USP30: variants seen among roughly 807,000 people sequenced by gnomAD.
The protein encoded by USP30 is ubiquitin specific peptidase 30, also known as ubiquitin carboxyl-terminal hydrolase 30.
A neutral mutation model predicts 68.2 loss-of-function variants in USP30; 41 were observed. The observed-to-expected ratio is 0.60, with a 90% CI of 0.47 to 0.78. The LOEUF is 0.78. USP30 is among the 30% of genes least tolerant of loss of function. The pLI, the probability that USP30 is intolerant of heterozygous loss-of-function variation, is 0.00. For missense variants in USP30, 522 were observed against 649.4 expected, an observed-to-expected ratio of 0.80 and a Z score of 2.13; for synonymous variants, 229 against 253.7, an observed-to-expected ratio of 0.90 and a Z score of 0.93.
rs1171328036 is a variant in USP30 at position 109,063,593 on chromosome 12, TTCTG to T, written c.377-3929_377-3926del. On this transcript the variant is annotated intron_variant, in intron 3 of 12. Coordinates refer to ENST00000257548, the MANE Select transcript of USP30 (RefSeq NM_032663.5). ...GTAGAATTGCTGGATCAAATGGTAA[TTCTG>T]TTTAATTTTTTGAGGAGCTGCTGTG... 1.9e-3 allele frequency among the ~76,000 whole-genome samples: 286 copies of T among 152,368 alleles called. 1 individual carries two copies. The highest frequency in any genetic ancestry group is 0.01 in the Middle Eastern group (3 of 294).
At chr12:109,077,821 G>A (rs370070834) in intron 7 of USP30, among the ~76,000 whole-genome samples, 2 of 150,014 alleles carry the variant, frequency 1.3e-5, no homozygotes, top group Non-Finnish European at 2.9e-5. Flanking sequence ...TTGTGTGTTT[G>A]TGTTGGGGGG....
Position 109,073,531 on chromosome 12 carries a change from A to G in USP30, c.719A>G (p.Gln240Arg). 2.5e-6 allele frequency: 4 copies of G among 1,609,296 alleles called. No individual in the cohort carries two copies. Among genetic ancestry groups the G allele is most frequent in the Non-Finnish European group, 3.4e-6 (4 of 1,175,554 alleles). Residue 240 changes from glutamine (Q) to arginine (R), a missense_variant and splice_region_variant, in exon 7 of 13, where the codon CAG becomes CGG. Physicochemically the swap from Gln to Arg is conservative, Grantham distance 43. Transcript: ENST00000257548. The stretch of plus-strand genomic sequence containing the variant: ...ATGGTCTGCAAACACTGTGAACACC[A>G]GGTAAATACAATACCAACACTTGAT... ...SNMVCKHCEHQSPVRFDTFDS... is the reference protein window; with the variant it reads ...SNMVCKHCEHRSPVRFDTFDS...
chr12:109,051,161 T>C (rs565742920), upstream of USP30, among the ~76,000 whole-genome samples: 68 of 151,948 alleles, frequency 4.5e-4, no homozygotes, highest in African/African-American at 1.6e-3. Context: ...AGTGCTGGGA[T>C]TATAGGCATA....
chr12:109,066,268 C>T (rs1406314522), intron 3 of USP30, among the ~76,000 whole-genome samples: 1 of 132,154 alleles, frequency 7.6e-6, no homozygotes, highest in Non-Finnish European at 1.6e-5. Flanking sequence ...AAAAAAAAAG[C>T]AAGCCTAAGA....
chr12:109,055,401 T>TATATACATATA (rs61062424), intron 1 of USP30, among the ~76,000 whole-genome samples: 3 of 29,632 alleles, frequency 1.0e-4, no homozygotes, highest in Non-Finnish European at 1.3e-4. Context: ...TATATATATA[T>TATATACATATA]TTTTTTTTTT....
intron 6 of USP30, 99 bp downstream of exon 6, chr12:109,072,449 A>G: frequency 8.6e-7 from 1 of 1,167,204 alleles, no homozygotes; most frequent in Non-Finnish European, 1.3e-6. Flanking sequence ...GGTGACATAC[A>G]GGCCAGCTTG....
chr12:109,038,376 G>A (rs970896432), intron 3 of USP30, among the ~76,000 whole-genome samples: 2 of 152,238 alleles, frequency 1.3e-5, no homozygotes, highest in East Asian at 1.9e-4. Flanking sequence ...TGGTGTATAT[G>A]TACCACATTG....
chr12:109,055,381 T>TATATATATATATATAC (rs1403778174), intron 1 of USP30, among the ~76,000 whole-genome samples: 4 of 46,248 alleles, frequency 8.6e-5, no homozygotes, highest in African/African-American at 1.6e-4. Flanking sequence ...TATATATACA[T>TATATATATATATATAC]ATATATATAT....
chr12:109,030,769 C>T (rs1409803882), intron 3 of USP30, among the ~76,000 whole-genome samples: 5 of 152,194 alleles, frequency 3.3e-5, no homozygotes, highest in Admixed American at 2.6e-4. Flanking sequence ...ACACCTGCCA[C>T]CACGCCTGGC....
At position 109,052,589 on chromosome 12, in the gene USP30, C is replaced by A; in HGVS notation, c.-90C>A. The A allele has an allele frequency of 7.6e-7, 1 of 1,316,160 alleles. No homozygotes were observed. Among genetic ancestry groups the A allele is most frequent in the Non-Finnish European group, 9.9e-7 (1 of 1,012,514 alleles). 81.5% of individuals were successfully genotyped at this position (1,316,160 alleles called of 1,614,324 possible). ...GGTGCTGGGACTGCGGCCGCAGGTT[C>A]CGCTGTCTCGGGAACCGTCGTATCC... On this transcript the variant is annotated 5_prime_UTR_variant, in exon 1 of 13. Transcript: ENST00000257548.
chr12:109,081,046 C>T (rs927083110), intron 7 of USP30, among the ~76,000 whole-genome samples: 2 of 152,154 alleles, frequency 1.3e-5, no homozygotes, highest in African/African-American at 4.8e-5. Context: ...GATGAATATT[C>T]TTGTAGTTAT....
At chr12:109,061,936 CTGTTTTGTTTT>C (rs1202031659) in intron 3 of USP30, among the ~76,000 whole-genome samples, 1 of 151,686 alleles carries the variant, frequency 6.6e-6, no homozygotes, top group Non-Finnish European at 1.5e-5. Context: ...TTTTTGTTTT[CTGTTTTGTTTT>C]TGTTTTGTTT....
At chr12:109,064,910 G>A (rs1198241512) in intron 3 of USP30, among the ~76,000 whole-genome samples, 1 of 152,200 alleles carries the variant, frequency 6.6e-6, no homozygotes, top group Non-Finnish European at 1.5e-5. Flanking sequence ...CGAGGGGTAT[G>A]GGAGAAAGAT....
At chr12:109,052,492 T>C (rs542101521), upstream of USP30, 9 of 472,588 alleles carry the variant, frequency 1.9e-5, no homozygotes, top group Admixed American at 2.1e-4. Context: ...ACGTGGTCCG[T>C]CAGCTATTGC....
At chr12:109,065,005 G>A (rs1231586534) in intron 3 of USP30, among the ~76,000 whole-genome samples, 1 of 152,098 alleles carries the variant, frequency 6.6e-6, no homozygotes, top group Non-Finnish European at 1.5e-5. Context: ...GCAGAAGCCT[G>A]GACTTTATTA....
intron 8 of USP30, chr12:109,081,618 TGCGC>T (rs373152566): frequency 2.8e-5 from 14 of 502,958 alleles, no homozygotes; most frequent in African/African-American, 2.0e-4. Flanking sequence ...CACGCACGCA[TGCGC>T]GCACACACAC....
At chr12:109,076,236 G>A (rs1165388487) in intron 7 of USP30, among the ~76,000 whole-genome samples, 2 of 152,032 alleles carry the variant, frequency 1.3e-5, no homozygotes, top group East Asian at 3.8e-4. Context: ...TAGACATACA[G>A]CTGTTTATAT....
intron 1 of USP30, among the ~76,000 whole-genome samples, chr12:109,055,981 A>G (rs1397517950): frequency 6.6e-6 from 1 of 152,110 alleles, no homozygotes; most frequent in Non-Finnish European, 1.5e-5. Context: ...AAGGGAGGTA[A>G]AGGAGTGAGC....
At chr12:109,046,609 ATTAAAC>A (rs1186074656) in intron 3 of USP30, among the ~76,000 whole-genome samples, 1 of 152,220 alleles carries the variant, frequency 6.6e-6, no homozygotes, top group African/African-American at 2.4e-5. Context: ...AAAGTTGACA[ATTAAAC>A]TTAACCATCA....
Sources: allele counts gnomAD v4.1 joint callset (sites outside exome capture counted in the v4.1 genomes callset), GRCh38; gene constraint gnomAD v4.1.1; transcripts MANE v1.5; gene names NCBI Gene and HGNC (gene_info 2026-07-23, HGNC 2026-07-21).